The following POU3F3 variants were observed in gnomAD, a reference collection of about 807,000 sequenced individuals.
POU3F3 encodes POU class 3 homeobox 3.
In POU3F3, 1 loss-of-function variant was observed where a neutral mutation model predicts 8.6. That is an observed-to-expected ratio of 0.12 (90% CI 0.04 to 0.55). The LOEUF (loss-of-function observed/expected upper bound fraction) is 0.55, where lower values mean the gene tolerates loss of function less well. Among genes scored for constraint, POU3F3 ranks in the 20% least tolerant of loss-of-function variants. POU3F3 has a pLI of 0.91. For synonymous variants in POU3F3, 418 were observed against 327.4 expected (o/e 1.28, Z -2.99); for missense variants, 577 against 690.7 (o/e 0.84, Z 1.84).
chr2:104,857,084 CCCT>C lies in POU3F3; in HGVS notation c.*72_*74del, dbSNP rs1676581490. ...CAGCCGCCGTCAGCACCGCCGCCGCCCCTGCCGCCGCCGCCGCCGCCGCCGCCG... is the reference window on the plus strand; with the variant it reads ...CAGCCGCCGTCAGCACCGCCGCCGCCGCCGCCGCCGCCGCCGCCGCCGCCG... On this transcript the variant is annotated 3_prime_UTR_variant, in exon 1 of 1. Coordinates refer to ENST00000361360, the MANE Select transcript of POU3F3 (RefSeq NM_006236.3). The C allele has an allele frequency of 7.6e-6, 8 of 1,050,206 alleles. No individual in the cohort carries two copies. Among genetic ancestry groups the C allele is most frequent in the Non-Finnish European group, 8.0e-6 (7 of 873,038 alleles). The allele number at this position is 1,050,206 out of a possible 1,614,324, so 65.1% of individuals were successfully genotyped here. A position where few individuals can be genotyped will look rare whatever the true frequency, so the allele number is the denominator to read the frequency against.
the POU3F3 span, among the ~76,000 whole-genome samples, chr2:104,907,995 A>G: frequency 2.0e-5 from 3 of 152,158 alleles, no homozygotes; most frequent in Admixed American, 6.5e-5. Flanking sequence ...ACCTAGACCT[A>G]TTATAGAAAG....
At position 104,855,742 on chromosome 2, in the gene POU3F3, A is replaced by G. The variant is rs1300362023; in HGVS notation, c.232A>G (p.Met78Val). 1 of 1,306,530 alleles carries G rather than the reference A, an allele frequency of 7.7e-7. No individual in the cohort carries two copies. 80.9% of individuals were successfully genotyped at this position (1,306,530 alleles called of 1,614,324 possible). Residue 78 changes from methionine (M) to valine (V), a missense_variant, in exon 1 of 1, where the codon ATG becomes GTG. By Grantham distance (21) the Met-to-Val change is conservative. Coordinates refer to ENST00000361360, the MANE Select transcript of POU3F3 (RefSeq NM_006236.3). ...SSVKMVQSDFMQGAMAASNGG... is the reference protein window; with the variant it reads ...SSVKMVQSDFVQGAMAASNGG... Reference sequence around the variant, plus strand: ...TGTCAAGATGGTCCAGAGCGACTTCATGCAGGGGGCCATGGCCGCCAGCAA... The same window carrying G: ...TGTCAAGATGGTCCAGAGCGACTTCGTGCAGGGGGCCATGGCCGCCAGCAA...
the POU3F3 span, among the ~76,000 whole-genome samples, chr2:104,906,744 A>G: frequency 6.6e-6 from 1 of 152,092 alleles, no homozygotes; most frequent in Non-Finnish European, 1.5e-5. Context: ...ATTCTTAGGC[A>G]TGTTGTGTTT....
At chr2:104,887,429 C>G in the POU3F3 span, among the ~76,000 whole-genome samples, 4 of 152,124 alleles carry the variant, frequency 2.6e-5, no homozygotes, top group Non-Finnish European at 5.9e-5. Flanking sequence ...ATCGTTTGAT[C>G]AAGACATTAC....
At chr2:104,860,576 T>C (rs988232975), downstream of POU3F3, among the ~76,000 whole-genome samples, 6 of 152,080 alleles carry the variant, frequency 3.9e-5, no homozygotes, top group Admixed American at 6.5e-5. Flanking sequence ...GACAAAGTTC[T>C]GTTCCATCAG....
At position 104,856,342 on chromosome 2, in the gene POU3F3, G is replaced by T. The variant is rs1171216896; in HGVS notation, c.832G>T (p.Ala278Ser). ...GCACCACCACCACCACCACCACCAC[G>T]CGCATCCTCACCCGCCGCACCCGCA... ...AEHHHHHHHH[A>S]HPHPPHPHHA... The change falls in exon 1 of 1, where the codon GCG becomes TCG. Residue 278 changes from alanine to serine, a missense_variant. Ala to Ser is a moderately conservative substitution (Grantham distance 99). This residue lies in a region of POU3F3 where 484 missense variants were observed against 422.6 expected (regional missense o/e 1.15). Coordinates refer to ENST00000361360, the MANE Select transcript of POU3F3 (RefSeq NM_006236.3). 2.6e-6 allele frequency: 4 copies of T among 1,510,444 alleles called. No homozygotes were observed. Among genetic ancestry groups the T allele is most frequent in the Admixed American group, 2.1e-5 (1 of 48,232 alleles). 93.6% of individuals were successfully genotyped at this position (1,510,444 alleles called of 1,614,324 possible). A position where few individuals can be genotyped will look rare whatever the true frequency, so the allele number is the denominator to read the frequency against.
the POU3F3 span, among the ~76,000 whole-genome samples, chr2:104,883,639 G>A: frequency 4.6e-5 from 7 of 152,140 alleles, no homozygotes; most frequent in East Asian, 3.9e-4. Context: ...TGCAATTCCC[G>A]ACTCCCAGTA....
the POU3F3 span, among the ~76,000 whole-genome samples, chr2:104,889,300 A>C: frequency 6.6e-6 from 1 of 152,190 alleles, no homozygotes; most frequent in Non-Finnish European, 1.5e-5. Context: ...AAAAGAAAAA[A>C]GGGAAACAGG....
downstream of POU3F3, among the ~76,000 whole-genome samples, chr2:104,861,782 C>G (rs1055192770): frequency 6.6e-6 from 1 of 152,198 alleles, no homozygotes; most frequent in African/African-American, 2.4e-5. Context: ...GTGGGGCAAC[C>G]TCTCAGGCTC....
chr2:104,867,705 C>G, the POU3F3 span: 1 of 156,460 alleles, frequency 6.4e-6, no homozygotes, highest in African/African-American at 2.4e-5. The surrounding 1 kb of genome is among the most constrained non-coding windows in gnomAD (Gnocchi z 5.0). Context: ...CCGGGAAGGT[C>G]GCGGGCTGCA....
At chr2:104,902,002 A>G in the POU3F3 span, among the ~76,000 whole-genome samples, 1 of 152,218 alleles carries the variant, frequency 6.6e-6, no homozygotes, top group Non-Finnish European at 1.5e-5. Flanking sequence ...CTGCTTACAG[A>G]CTGTAGATGT....
At chr2:104,885,726 A>C in the POU3F3 span, among the ~76,000 whole-genome samples, 1 of 152,188 alleles carries the variant, frequency 6.6e-6, no homozygotes, top group African/African-American at 2.4e-5. Context: ...GCATATAATC[A>C]AGTAATAACC....
In POU3F3 at chr2:104,855,903, C is replaced by T. The variant is rs1433824609; in HGVS notation, c.393C>T (p.Gly131=). The T allele has an allele frequency of 9.5e-7, 1 of 1,056,728 alleles. No individual in the cohort carries two copies. Among genetic ancestry groups the T allele is most frequent in the Non-Finnish European group, 1.1e-6 (1 of 879,016 alleles). The allele number at this position is 1,056,728 out of a possible 1,614,324, so 65.5% of individuals were successfully genotyped here. ...CGGGCAGCGCCGTGGGCATGGCTGG[C>T]AGCCCCCAGCAGCCACCGCAGCCGC... ...PWSGSAVGMA[G]SPQQPPQPPP... The change falls in exon 1 of 1, where the codon GGC becomes GGT. Residue 131 remains glycine (G), a synonymous_variant. Transcript: ENST00000361360.
At chr2:104,877,606 G>A in the POU3F3 span, among the ~76,000 whole-genome samples, 1 of 152,026 alleles carries the variant, frequency 6.6e-6, no homozygotes. Flanking sequence ...CTGGCTGGGA[G>A]GCCACAGTCT....
chr2:104,879,097 CA>C, the POU3F3 span, among the ~76,000 whole-genome samples: 65 of 152,128 alleles, frequency 4.3e-4, no homozygotes, highest in Middle Eastern at 0.014. Context: ...ACACACCACA[CA>C]GAGCACACAA....
the POU3F3 span, among the ~76,000 whole-genome samples, chr2:104,882,199 G>A: frequency 6.6e-6 from 1 of 150,888 alleles, no homozygotes; most frequent in Non-Finnish European, 1.5e-5. Context: ...GACAAAATCA[G>A]CTTTCTGATT....
the POU3F3 span, among the ~76,000 whole-genome samples, chr2:104,927,772 AAT>A: frequency 1.1e-4 from 16 of 145,430 alleles, no homozygotes; most frequent in Non-Finnish European, 2.3e-4. Context: ...AAAAAAAAAA[AAT>A]GTCGAGTTGA....
the POU3F3 span, among the ~76,000 whole-genome samples, chr2:104,873,755 C>A: frequency 6.6e-6 from 1 of 152,170 alleles, no homozygotes; most frequent in African/African-American, 2.4e-5. Flanking sequence ...CAATTACCAC[C>A]ACCAAAAACA....
downstream of POU3F3, among the ~76,000 whole-genome samples, chr2:104,858,761 C>A (rs1331865106): frequency 1.3e-5 from 2 of 152,226 alleles, no homozygotes; most frequent in African/African-American, 4.8e-5. Context: ...ACATAGTAGT[C>A]ACTCCTCGAT....
Sources: allele counts gnomAD v4.1 joint callset (sites outside exome capture counted in the v4.1 genomes callset), GRCh38; gene constraint gnomAD v4.1.1; regional missense constraint gnomAD v4.1.1; non-coding constraint Gnocchi (gnomAD v3.1); transcripts MANE v1.5; gene names NCBI Gene and HGNC (gene_info 2026-07-23, HGNC 2026-07-21).